Variants in COMT observed in about 807,000 individuals in gnomAD.
COMT encodes the protein catechol-O-methyltransferase.
COMT carries 13 observed loss-of-function variants against 18.9 expected under a neutral mutation model. That is an observed-to-expected ratio of 0.69 (90% CI 0.45 to 1.09). The LOEUF is 1.09. Ranked by LOEUF, COMT falls within the 50% of genes least tolerant of loss-of-function variation. The pLI is 0.00. For missense variants in COMT, 329 were observed against 361.8 expected, an observed-to-expected ratio of 0.91 and a Z score of 0.73; for synonymous variants, 150 against 160.9, an observed-to-expected ratio of 0.93 and a Z score of 0.51.
In COMT at chr22:19,963,394, G is replaced by C. The variant is rs8140835; in HGVS notation, c.290-172G>C. 3.6e-3 allele frequency: 2,593 copies of C among 722,962 alleles called. 25 individuals are homozygous for C. Among genetic ancestry groups the C allele is most frequent in the Middle Eastern group, 0.035 (91 of 2,592 alleles). 44.8% of individuals were successfully genotyped at this position (722,962 alleles called of 1,614,324 possible). A position where few individuals can be genotyped will look rare whatever the true frequency, so the allele number is the denominator to read the frequency against. The stretch of plus-strand genomic sequence containing the variant: ...CAGGTCCTGGGGGCTGGGGACACCA[G>C]GGAGGTGAAATACCCCTCCAGCGGG... On this transcript the variant is annotated intron_variant, in intron 3 of 5. Transcript: ENST00000361682.
Position 19,941,824 on chromosome 22 carries a change from A to G in COMT, c.-165A>G. 2 of 1,512,450 alleles carry G rather than the reference A, an allele frequency of 1.3e-6. No homozygotes were observed. The highest frequency in any genetic ancestry group is 1.8e-6 in the Non-Finnish European group (2 of 1,140,040). The allele number at this position is 1,512,450 out of a possible 1,614,324, so 93.7% of individuals were successfully genotyped here. ...GCCATCGTCGTGGGGCTTCTGGGGC[A>G]GCTAGGGCTGCCCGCCGCGCTGCCT... On this transcript the variant is annotated 5_prime_UTR_variant, in exon 1 of 6. Coordinates refer to ENST00000361682, the MANE Select transcript of COMT (RefSeq NM_000754.4).
chr22:19,952,810 G>T (rs1323994623), intron 1 of COMT, among the ~76,000 whole-genome samples: 1 of 151,564 alleles, frequency 6.6e-6, no homozygotes, highest in African/African-American at 2.4e-5. Context: ...AATTAGCTAG[G>T]CGTGGTGGTG....
chr22:19,957,500 A>T (rs756067131), intron 1 of COMT, among the ~76,000 whole-genome samples: 4 of 152,232 alleles, frequency 2.6e-5, no homozygotes, highest in Non-Finnish European at 1.5e-5. Flanking sequence ...GACAGAGGTG[A>T]TGGACTCTCT....
chr22:19,963,828 T>G lies in COMT; in HGVS notation c.483+69T>G, dbSNP rs11569721. 3.6e-3 allele frequency: 5,472 copies of G among 1,512,150 alleles called. 13 individuals carry two copies. The highest frequency in any genetic ancestry group is 4.5e-3 in the Non-Finnish European group (5,030 of 1,117,964). The allele number at this position is 1,512,150 out of a possible 1,614,324, so 93.7% of individuals were successfully genotyped here. On this transcript the variant is annotated intron_variant, in intron 4 of 5. Transcript: ENST00000361682. ...CTGTGGGCAGGGAGGGCATGCGCAC[T>G]TTGTCCTCCCCACCAGGTGTTCACA...
chr22:19,966,540 C>T (rs1055249223), intron 5 of COMT, among the ~76,000 whole-genome samples: 11 of 150,230 alleles, frequency 7.3e-5, no homozygotes, highest in African/African-American at 2.5e-4. Flanking sequence ...TCCTGAGCTC[C>T]AGTGATCCTC....
intron 3 of COMT, 86 bp from the exon 4 acceptor site, chr22:19,963,480 G>A: frequency 6.7e-7 from 1 of 1,487,334 alleles, no homozygotes. Flanking sequence ...CCTGCTCTTT[G>A]GGAGAGGTGG....
chr22:19,943,172 G>C (rs1331337535), intron 1 of COMT, among the ~76,000 whole-genome samples: 1 of 152,190 alleles, frequency 6.6e-6, no homozygotes, highest in African/African-American at 2.4e-5. Flanking sequence ...TGGGGAGGGA[G>C]GGTCTTTGTC....
intron 5 of COMT, chr22:19,965,055 G>A (rs1386062003): frequency 2.5e-5 from 4 of 163,194 alleles, no homozygotes; most frequent in Admixed American, 2.2e-4. Context: ...GAGCACGAGG[G>A]GCACAGCCCC....
chr22:19,950,275 AGGTCTTGCTGTGTTGCCCAGGCT>A (rs1416841774), intron 1 of COMT, among the ~76,000 whole-genome samples: 4 of 117,932 alleles, frequency 3.4e-5, no homozygotes, highest in African/African-American at 1.3e-4. Context: ...TGTAGAGACA[AGGTCTTGCTGTGTTGCCCAGGCT>A]GGTCTTGAAC....
chr22:19,962,809 A>C lies in COMT; in HGVS notation c.283A>C (p.Lys95Gln), dbSNP rs1443470530. 6.2e-7 allele frequency: 1 copy of C among 1,604,076 alleles called. No homozygotes were observed. The highest frequency in any genetic ancestry group is 8.5e-7 in the Non-Finnish European group (1 of 1,172,130). Residue 95 changes from lysine to glutamine, a missense_variant, in exon 3 of 6, where the codon AAG (lysine) becomes CAG (glutamine). Lys to Gln is a moderately conservative substitution (Grantham distance 53). Transcript: ENST00000361682. Reference protein sequence around the residue: ...QKEWAMNVGDKKGKIVDAVIQ... With the variant: ...QKEWAMNVGDQKGKIVDAVIQ... ...GGAGTGGGCCATGAACGTGGGCGAC[A>C]AGAAAGGTGGGGTCCGGGCCAGCAG...
In COMT at chr22:19,962,415, C is replaced by T. The variant is rs1048947196; in HGVS notation, c.1-112C>T. The T allele has an allele frequency of 6.0e-6, 9 of 1,505,382 alleles. No individual in the cohort carries two copies. In the Middle Eastern group the frequency reaches 9.4e-4, roughly 157 times the overall value. The allele number at this position is 1,505,382 out of a possible 1,614,324, so 93.3% of individuals were successfully genotyped here. A position where few individuals can be genotyped will look rare whatever the true frequency, so the allele number is the denominator to read the frequency against. Reference sequence around the variant, plus strand: ...GAGGCACAAGGCTGGCATTTCTGAACCTTGCCCCTCTGCAAACACAAGGGG... The same window carrying T: ...GAGGCACAAGGCTGGCATTTCTGAATCTTGCCCCTCTGCAAACACAAGGGG... On this transcript the variant is annotated intron_variant, in intron 2 of 5. Transcript: ENST00000361682.
At chr22:19,954,961 C>T (rs9332347) in intron 1 of COMT, among the ~76,000 whole-genome samples, 14,625 of 152,104 alleles carry the variant, frequency 0.096, 870 homozygotes, top group Non-Finnish European at 0.13. Context: ...GGGACACTCC[C>T]AGAGTGCTGC....
chr22:19,956,137 C>CCTTTT (rs1569129365), intron 1 of COMT, among the ~76,000 whole-genome samples: 13 of 84,800 alleles, frequency 1.5e-4, no homozygotes, highest in East Asian at 3.8e-4. Flanking sequence ...TTCTTTTTTT[C>CCTTTT]TTTTTTTTTT....
At chr22:19,964,568 G>A in intron 5 of COMT, 1 of 627,324 alleles carries the variant, frequency 1.6e-6, no homozygotes, top group Admixed American at 2.5e-5. Flanking sequence ...ATGGGTGGCA[G>A]AAGTGGGGTG....
rs768651434 is a variant in COMT at position 19,968,677 on chromosome 22, G to C, written c.757G>C (p.Val253Leu). 1.2e-5 allele frequency: 20 copies of C among 1,613,836 alleles called. 2 individuals are homozygous for C. The South Asian group carries it at 2.1e-4, about 17-fold the overall frequency. ...HYQSFLEYRE[V>L]VDGLEKAIYK... ...CCAATCGTTCCTGGAATACAGGGAG[G>C]TGGTGGACGGCCTGGAGAAGGCCAT... Residue 253 changes from valine (V) to leucine (L), a missense_variant, in exon 6 of 6, where the codon GTG (valine) becomes CTG (leucine). Physicochemically the swap from Val to Leu is conservative, Grantham distance 32. Coordinates refer to ENST00000361682, the MANE Select transcript of COMT (RefSeq NM_000754.4).
chr22:19,957,375 G>A (rs1311565213), intron 1 of COMT, among the ~76,000 whole-genome samples: 2 of 150,410 alleles, frequency 1.3e-5, no homozygotes, highest in Non-Finnish European at 3.0e-5. Context: ...CCTTGATCAC[G>A]CCACTGCACT....
At chr22:19,949,975 A>G (rs1219795883) in intron 1 of COMT, among the ~76,000 whole-genome samples, 1 of 152,216 alleles carries the variant, frequency 6.6e-6, no homozygotes, top group Non-Finnish European at 1.5e-5. Context: ...TAAGAAGCCA[A>G]AAAGTACAAA....
chr22:19,963,669 A>G lies in COMT; in HGVS notation c.393A>G (p.Ser131=), dbSNP rs1445287661. ...YSAVRMARLL[S]PGARLITIEI... Reference sequence around the variant, plus strand: ...CTGTGCGCATGGCCCGCCTGCTGTCACCAGGGGCGAGGCTCATCACCATCG... The same window carrying G: ...CTGTGCGCATGGCCCGCCTGCTGTCGCCAGGGGCGAGGCTCATCACCATCG... The change falls in exon 4 of 6, where the codon TCA becomes TCG. Residue 131 remains serine (S), a synonymous_variant. Coordinates refer to ENST00000361682, the MANE Select transcript of COMT (RefSeq NM_000754.4). 1 of 1,612,926 alleles carries G rather than the reference A, an allele frequency of 6.2e-7. No individual in the cohort carries two copies. Among genetic ancestry groups the G allele is most frequent in the South Asian group, 1.1e-5 (1 of 91,086 alleles).
At chr22:19,942,644 C>A (rs987388331) in intron 1 of COMT, among the ~76,000 whole-genome samples, 1 of 150,822 alleles carries the variant, frequency 6.6e-6, no homozygotes, top group Non-Finnish European at 1.5e-5. Context: ...ACCCTCCAAG[C>A]CTGAGGGACC....
Sources: gnomAD v4.1 joint callset for allele counts (sites outside exome capture counted in the v4.1 genomes callset) on GRCh38, gnomAD v4.1.1 for gene constraint, MANE v1.5 for transcripts, NCBI Gene and HGNC (gene_info 2026-07-23, HGNC 2026-07-21) for gene names.